TMEM9B: variants seen among roughly 807,000 people sequenced by gnomAD.
TMEM9B encodes transmembrane protein 9B.
In TMEM9B, 8 loss-of-function variants were observed where a neutral mutation model predicts 23.5. The observed-to-expected ratio is 0.34, with a 90% confidence interval of 0.20 to 0.61. TMEM9B has a LOEUF of 0.61. TMEM9B is among the 20% of genes least tolerant of loss of function. The pLI is 0.78. For missense variants in TMEM9B, 197 were observed against 252.3 expected, an observed-to-expected ratio of 0.78 and a Z score of 1.49; for synonymous variants, 106 against 96.3, an observed-to-expected ratio of 1.10 and a Z score of -0.59.
In TMEM9B at chr11:8,964,353, G is replaced by A; in HGVS notation, c.-40C>T. The A allele has an allele frequency of 1.3e-6, 2 of 1,540,308 alleles. No homozygotes were observed. The highest frequency in any genetic ancestry group is 1.7e-6 in the Non-Finnish European group (2 of 1,143,966). The stretch of plus-strand genomic sequence containing the variant: ...CGGTCCCACAGCCCGGAGCCCCCGC[G>A]ACCGGCTCCCGGCTCGGGCTCAGGC... On this transcript the variant is annotated 5_prime_UTR_variant, in exon 1 of 5. Transcript: ENST00000534025.
chr11:8,948,519 T>C (rs2134858085), intron 4 of TMEM9B, 44 bp from the exon 5 acceptor site: 1 of 1,594,526 alleles, frequency 6.3e-7, no homozygotes. Context: ...GCACAGTCAG[T>C]GTAAAACATA....
chr11:8,961,523 T>A (rs1051178864), intron 2 of TMEM9B, among the ~76,000 whole-genome samples: 4 of 152,112 alleles, frequency 2.6e-5, no homozygotes, highest in African/African-American at 9.7e-5. Flanking sequence ...TCAGTCAGGA[T>A]CCCCCAGTCA....
chr11:8,948,471 T>G lies in TMEM9B; in HGVS notation c.446A>C (p.His149Pro). The G allele has an allele frequency of 6.2e-7, 1 of 1,613,846 alleles. No individual in the cohort carries two copies. Among genetic ancestry groups the G allele is most frequent in the Non-Finnish European group, 8.5e-7 (1 of 1,179,882 alleles). Reference sequence around the variant, plus strand: ...ATCGTGTGCATTTGCAAAAGGCTGGTGATCCTAAAAGTCCAGGAATGGAGA... The same window carrying G: ...ATCGTGTGCATTTGCAAAAGGCTGGGGATCCTAAAAGTCCAGGAATGGAGA... ...LIQSDDDIGD[H>P]QPFANAHDVL... is the part of the protein sequence containing the mutation. The change falls in exon 5 of 5, where the codon CAC becomes CCC. Residue 149 changes from histidine to proline, a missense_variant. His to Pro is a moderately conservative substitution (Grantham distance 77). This residue lies in a region of TMEM9B where 141 missense variants were observed against 214.1 expected (regional missense o/e 0.66). Coordinates refer to ENST00000534025, the MANE Select transcript of TMEM9B (RefSeq NM_020644.3).
chr11:8,958,263 C>A lies in TMEM9B; in HGVS notation c.198-1965G>T, dbSNP rs528094193. On this transcript the variant is annotated intron_variant, in intron 2 of 4. Transcript: ENST00000534025. The stretch of plus-strand genomic sequence containing the variant: ...GGATCATGAGGTCAGGAGTTCAAGA[C>A]CTGCCTGACCAACAGGGTGAAACCC... Among the ~76,000 whole-genome samples the A allele has an allele frequency of 1.4e-3, 204 of 150,628 alleles. 2 individuals are homozygous for A. In the Middle Eastern group the frequency reaches 0.025, roughly 18 times the overall value.
chr11:8,948,801 AC>A (rs1243051025), intron 4 of TMEM9B, among the ~76,000 whole-genome samples: 1 of 152,230 alleles, frequency 6.6e-6, no homozygotes, highest in Non-Finnish European at 1.5e-5. Context: ...GCCTTCCTTA[AC>A]TGATAGGGAA....
chr11:8,964,160 G>A lies in TMEM9B; in HGVS notation c.105+49C>T, dbSNP rs747334451. ...TGGCAGACCCAGTTTCCGCAAGGCC[G>A]GTGGTAGGGGAGGAGCTTCCGTCAG... On this transcript the variant is annotated intron_variant, in intron 1 of 4. Coordinates refer to ENST00000534025, the MANE Select transcript of TMEM9B (RefSeq NM_020644.3). The A allele has an allele frequency of 5.9e-5, 90 of 1,532,776 alleles. No individual in the cohort carries two copies. In the South Asian group the frequency reaches 1.1e-3, roughly 18 times the overall value. 94.9% of individuals were successfully genotyped at this position (1,532,776 alleles called of 1,614,324 possible).
In TMEM9B at chr11:8,948,154, C is replaced by A; in HGVS notation, c.*166G>T. On this transcript the variant is annotated 3_prime_UTR_variant, in exon 5 of 5. Coordinates refer to ENST00000534025, the MANE Select transcript of TMEM9B (RefSeq NM_020644.3). ...GCTTTTAAAAATGTCTCTATTATTA[C>A]GTTAACAAGAAAAAAAAATCAAGCA... 2 of 771,682 alleles carry A rather than the reference C, an allele frequency of 2.6e-6. No homozygotes were observed. Among genetic ancestry groups the A allele is most frequent in the South Asian group, 4.1e-5 (2 of 49,162 alleles). 47.8% of individuals were successfully genotyped at this position (771,682 alleles called of 1,614,324 possible).
chr11:8,953,370 G>C, intron 3 of TMEM9B, 33 bp from the exon 4 acceptor site: 2 of 1,606,784 alleles, frequency 1.2e-6, no homozygotes. Context: ...TTACATCTTT[G>C]TTCAAGCCCA....
chr11:8,964,392 C>G lies in TMEM9B; in HGVS notation c.-79G>C. ...TCGGGCTCAGGCTCAGGCTCAGGCT[C>G]AGGCACAGGCTTGGGACCCGGCTGG... On this transcript the variant is annotated 5_prime_UTR_variant, in exon 1 of 5. Coordinates refer to ENST00000534025, the MANE Select transcript of TMEM9B (RefSeq NM_020644.3). 1 of 1,511,520 alleles carries G rather than the reference C, an allele frequency of 6.6e-7. No individual in the cohort carries two copies. Among genetic ancestry groups the G allele is most frequent in the Non-Finnish European group, 8.8e-7 (1 of 1,132,934 alleles). 93.6% of individuals were successfully genotyped at this position (1,511,520 alleles called of 1,614,324 possible). A position where few individuals can be genotyped will look rare whatever the true frequency, so the allele number is the denominator to read the frequency against.
chr11:8,952,224 AT>A (rs1200835565), intron 4 of TMEM9B, among the ~76,000 whole-genome samples: 2 of 151,234 alleles, frequency 1.3e-5, no homozygotes, highest in African/African-American at 4.9e-5. Flanking sequence ...CCATGAAGCA[AT>A]TTATACAGAT....
intron 2 of TMEM9B, among the ~76,000 whole-genome samples, chr11:8,956,720 TTTG>T (rs1429172930): frequency 1.3e-5 from 2 of 152,176 alleles, no homozygotes; most frequent in Non-Finnish European, 2.9e-5. Flanking sequence ...ATCATTCTTT[TTTG>T]TTGTTGTTTT....
rs544217764 is a variant in TMEM9B at position 8,958,252 on chromosome 11, G to A, written c.198-1954C>T. Among the ~76,000 whole-genome samples the A allele has an allele frequency of 1.9e-4, 29 of 150,798 alleles. No homozygotes were observed. The South Asian group carries it at 5.4e-3, about 28-fold the overall frequency. ...CCGAGGCGGTTGGATCATGAGGTCA[G>A]GAGTTCAAGACCTGCCTGACCAACA... On this transcript the variant is annotated intron_variant, in intron 2 of 4. Coordinates refer to ENST00000534025, the MANE Select transcript of TMEM9B (RefSeq NM_020644.3).
intron 1 of TMEM9B, among the ~76,000 whole-genome samples, chr11:8,963,440 T>C (rs1854115847): frequency 6.6e-6 from 1 of 152,208 alleles, no homozygotes; most frequent in African/African-American, 2.4e-5. Flanking sequence ...CAGGTATGCA[T>C]GGAGCTAGGG....
rs967153867 is a variant in TMEM9B, at chr11:8,964,389, G to T, written c.-76C>A. On this transcript the variant is annotated 5_prime_UTR_variant, in exon 1 of 5. Transcript: ENST00000534025. ...GGCTCGGGCTCAGGCTCAGGCTCAG[G>T]CTCAGGCACAGGCTTGGGACCCGGC... The T allele has an allele frequency of 6.1e-5, 93 of 1,519,564 alleles. No homozygotes were observed. The African/African-American group carries it at 1.1e-3, about 18-fold the overall frequency. The allele number at this position is 1,519,564 out of a possible 1,614,324, so 94.1% of individuals were successfully genotyped here. A position where few individuals can be genotyped will look rare whatever the true frequency, so the allele number is the denominator to read the frequency against.
intron 4 of TMEM9B, among the ~76,000 whole-genome samples, chr11:8,949,142 C>CCTCT (rs1853830467): frequency 6.6e-6 from 1 of 152,318 alleles, no homozygotes; most frequent in Admixed American, 6.5e-5. Flanking sequence ...CTACAATCAC[C>CCTCT]CTCTCTATTC....
At chr11:8,958,863 A>G (rs1854022914) in intron 2 of TMEM9B, among the ~76,000 whole-genome samples, 1 of 152,064 alleles carries the variant, frequency 6.6e-6, no homozygotes, top group African/African-American at 2.4e-5. Context: ...GAGTCACCGC[A>G]CCCGGCCCAG....
In TMEM9B at chr11:8,956,350, G is replaced by C. The variant is rs779462034; in HGVS notation, c.198-52C>G. ...TTAAGCCCAGCTAGCTCTTCTGCTTGCTCTGACCAAAAGTTTCCTGAAATC... is the reference window on the plus strand; with the variant it reads ...TTAAGCCCAGCTAGCTCTTCTGCTTCCTCTGACCAAAAGTTTCCTGAAATC... On this transcript the variant is annotated intron_variant, in intron 2 of 4. Transcript: ENST00000534025. 2.7e-6 allele frequency: 4 copies of C among 1,493,744 alleles called. No homozygotes were observed. In the Admixed American group the frequency reaches 5.7e-5, roughly 21 times the overall value. 92.5% of individuals were successfully genotyped at this position (1,493,744 alleles called of 1,614,324 possible).
rs3833778 is a variant in TMEM9B, at chr11:8,964,369, G to GGGCTCA, written c.-62_-57dup. On this transcript the variant is annotated 5_prime_UTR_variant, in exon 1 of 5. Transcript: ENST00000534025. Reference sequence around the variant, plus strand: ...AGCCCCCGCGACCGGCTCCCGGCTCGGGCTCAGGCTCAGGCTCAGGCTCAG... The same window carrying GGGCTCA: ...AGCCCCCGCGACCGGCTCCCGGCTCGGGCTCAGGCTCAGGCTCAGGCTCAGGCTCAG... 304,041 of 1,515,962 alleles carry GGGCTCA rather than the reference G, an allele frequency of 0.2. 34,185 individuals carry two copies. Among genetic ancestry groups the GGGCTCA allele is most frequent in the East Asian group, 0.44 (16,913 of 38,586 alleles). 93.9% of individuals were successfully genotyped at this position (1,515,962 alleles called of 1,614,324 possible). A position where few individuals can be genotyped will look rare whatever the true frequency, so the allele number is the denominator to read the frequency against.
rs1853799771 is a variant in TMEM9B, at chr11:8,947,912, C to T, written c.*408G>A. The T allele has an allele frequency of 6.3e-6, 1 of 158,412 alleles. No homozygotes were observed. Among genetic ancestry groups the T allele is most frequent in the Admixed American group, 6.1e-5 (1 of 16,302 alleles). 9.8% of individuals were successfully genotyped at this position (158,412 alleles called of 1,614,324 possible). A position where few individuals can be genotyped will look rare whatever the true frequency, so the allele number is the denominator to read the frequency against. ...ACTTGAAAAAAGTTGTTAACCACTT[C>T]CCAGGCATCCCTCCCCTCTCCCACC... On this transcript the variant is annotated 3_prime_UTR_variant, in exon 5 of 5. Transcript: ENST00000534025.
Sources: allele counts gnomAD v4.1 joint callset (sites outside exome capture counted in the v4.1 genomes callset), GRCh38; gene constraint gnomAD v4.1.1; regional missense constraint gnomAD v4.1.1; transcripts MANE v1.5; gene names NCBI Gene and HGNC (gene_info 2026-07-23, HGNC 2026-07-21).